Variants in RILPL1 observed in about 807,000 individuals in gnomAD.
The protein encoded by RILPL1 is Rab interacting lysosomal protein like 1.
RILPL1 carries 33 observed loss-of-function variants against 50.3 expected under a neutral mutation model. That is an observed-to-expected ratio of 0.66 (90% CI 0.50 to 0.88). The LOEUF (loss-of-function observed/expected upper bound fraction) is 0.88. RILPL1 is among the 40% of genes least tolerant of loss of function. The pLI, the probability that RILPL1 is intolerant of heterozygous loss-of-function variation, is 0.00. For synonymous variants in RILPL1, 205 were observed against 228.6 expected (o/e 0.90, Z 0.93); for missense variants, 418 against 542.5 (o/e 0.77, Z 2.28).
intron 2 of RILPL1, among the ~76,000 whole-genome samples, chr12:123,521,842 A>G (rs1320885425): frequency 6.6e-6 from 1 of 151,038 alleles, no homozygotes; most frequent in Non-Finnish European, 1.5e-5. Flanking sequence ...CTGCGATCTC[A>G]GCTCACTGCA....
chr12:123,483,197 G>A (rs1049667397), intron 6 of RILPL1, among the ~76,000 whole-genome samples: 2 of 152,212 alleles, frequency 1.3e-5, no homozygotes, highest in South Asian at 2.1e-4. Context: ...CTGGAAGACC[G>A]TCTCAGGGGA....
chr12:123,492,241 A>G (rs1882747279), intron 4 of RILPL1, among the ~76,000 whole-genome samples: 1 of 151,422 alleles, frequency 6.6e-6, no homozygotes, highest in Non-Finnish European at 1.5e-5. Context: ...AAAAATATAT[A>G]TATATACATA....
At chr12:123,472,896 G>A (rs1486951085) in intron 6 of RILPL1, 12 of 544,034 alleles carry the variant, frequency 2.2e-5, no homozygotes, top group South Asian at 4.1e-5. Flanking sequence ...TGGAGGTCAC[G>A]CGGTATGGGC....
chr12:123,493,055 A>G (rs1882801581), intron 4 of RILPL1, among the ~76,000 whole-genome samples: 3 of 152,140 alleles, frequency 2.0e-5, no homozygotes, highest in Admixed American at 1.3e-4. Context: ...GATTAGTAAA[A>G]GAGGAAGGCA....
At chr12:123,473,374 G>A (rs1293541506) in intron 6 of RILPL1, 1 of 152,052 alleles carries the variant, frequency 6.6e-6, no homozygotes, top group African/African-American at 2.4e-5. Context: ...AATTATCCAG[G>A]TGTGGTGGCA....
At chr12:123,475,310 CA>C in intron 6 of RILPL1, 1 of 244,718 alleles carries the variant, frequency 4.1e-6, no homozygotes, top group Admixed American at 4.6e-5. Context: ...GGGTGAACAT[CA>C]AAAACATAGG....
chr12:123,509,871 G>A (rs2139357721), intron 2 of RILPL1, among the ~76,000 whole-genome samples: 1 of 152,360 alleles, frequency 6.6e-6, no homozygotes, highest in South Asian at 2.1e-4. Flanking sequence ...AAAAGGAAAA[G>A]ATAAGAAACA....
intron 1 of RILPL1, among the ~76,000 whole-genome samples, chr12:123,531,232 T>G (rs1214683724): frequency 6.6e-6 from 1 of 152,150 alleles, no homozygotes; most frequent in Admixed American, 6.6e-5. Context: ...ATCCTCAATG[T>G]AAGTCAACAA....
chr12:123,511,128 CTATGTG>C (rs1566135222), intron 2 of RILPL1, among the ~76,000 whole-genome samples: 1 of 99,690 alleles, frequency 1.0e-5, no homozygotes, highest in Non-Finnish European at 1.9e-5. Flanking sequence ...TGTGTGAGGT[CTATGTG>C]TGTGTGTGGT....
intron 1 of RILPL1, among the ~76,000 whole-genome samples, chr12:123,528,701 C>T (rs1055366716): frequency 4.6e-5 from 7 of 152,266 alleles, no homozygotes; most frequent in Non-Finnish European, 1.0e-4. Flanking sequence ...GCTGGGATTA[C>T]AGGCTTGAGC....
intron 2 of RILPL1, chr12:123,514,056 G>C (rs1884547150): frequency 6.6e-6 from 1 of 152,216 alleles, no homozygotes; most frequent in Admixed American, 6.6e-5. Flanking sequence ...AAAGATGGAA[G>C]CCACCCAAAT....
chr12:123,511,527 GGT>G (rs1223596236), intron 2 of RILPL1, among the ~76,000 whole-genome samples: 4 of 129,034 alleles, frequency 3.1e-5, no homozygotes, highest in African/African-American at 2.9e-5. Context: ...GTCTGTGTGT[GGT>G]GTGTGTGAGG....
intron 2 of RILPL1, among the ~76,000 whole-genome samples, chr12:123,513,157 GGTCT>G (rs1229114928): frequency 1.3e-5 from 2 of 151,038 alleles, no homozygotes; most frequent in Non-Finnish European, 3.0e-5. Context: ...TGTGGTGTGA[GGTCT>G]GTGTGTGTGG....
At chr12:123,525,748 T>C (rs1452668761) in intron 1 of RILPL1, among the ~76,000 whole-genome samples, 20 of 150,368 alleles carry the variant, frequency 1.3e-4, no homozygotes, top group Non-Finnish European at 4.4e-5. Flanking sequence ...TATTGCTATG[T>C]TGCCCAGGCT....
intron 2 of RILPL1, among the ~76,000 whole-genome samples, chr12:123,511,545 G>GTGTGGTGTGTGTGAGGTC (rs1884207491): frequency 9.0e-6 from 1 of 111,140 alleles, no homozygotes; most frequent in Non-Finnish European, 2.1e-5. Flanking sequence ...TGAGGTCTGT[G>GTGTGGTGTGTGTGAGGTC]TGAGGTCTGT....
intron 6 of RILPL1, chr12:123,473,263 C>T (rs1228044237): frequency 6.6e-6 from 1 of 152,574 alleles, no homozygotes; most frequent in Non-Finnish European, 1.5e-5. Context: ...GCCTGTAACC[C>T]CAGCACTTTG....
chr12:123,516,033 C>CAAA lies in RILPL1; in HGVS notation c.460+7459_460+7461dup, dbSNP rs749657516. On this transcript the variant is annotated intron_variant, in intron 2 of 6. Transcript: ENST00000376874. ...TGGGCCACAGAGCGAGACTCTGTCT[C>CAAA]AAAAAAAAAAAAAAAAAAAAAAAAA... Among the ~76,000 whole-genome samples the CAAA allele has an allele frequency of 4.3e-3, 155 of 36,188 alleles. 11 individuals are homozygous for CAAA. Among genetic ancestry groups the CAAA allele is most frequent in the African/African-American group, 0.013 (143 of 10,792 alleles). 23.7% of individuals were successfully genotyped at this position (36,188 alleles called of 152,430 possible). A position where few individuals can be genotyped will look rare whatever the true frequency, so the allele number is the denominator to read the frequency against.
At chr12:123,497,418 TCA>T (rs2139336548) in intron 4 of RILPL1, among the ~76,000 whole-genome samples, 1 of 152,298 alleles carries the variant, frequency 6.6e-6, no homozygotes, top group South Asian at 2.1e-4. Flanking sequence ...GGGGTCTGAC[TCA>T]CTCTGTTGCC....
intron 6 of RILPL1, among the ~76,000 whole-genome samples, chr12:123,479,187 G>A (rs575311277): frequency 2.0e-5 from 3 of 152,184 alleles, no homozygotes; most frequent in Admixed American, 2.0e-4. Context: ...AAATGTCAGT[G>A]GGCTTCTCTG....
Sources: allele counts gnomAD v4.1 joint callset (sites outside exome capture counted in the v4.1 genomes callset), GRCh38; gene constraint gnomAD v4.1.1; transcripts MANE v1.5; gene names NCBI Gene and HGNC (gene_info 2026-07-23, HGNC 2026-07-21).